Variants in ZNF521 observed in about 807,000 individuals in gnomAD.
ZNF521 encodes zinc finger protein 521.
Under a neutral mutation model 105.5 loss-of-function variants are expected in ZNF521, and 14 were observed. That is an observed-to-expected ratio of 0.13 (90% confidence interval 0.09 to 0.21). The LOEUF is 0.21. Ranked by LOEUF, ZNF521 falls within the 10% of genes least tolerant of loss-of-function variation. ZNF521 has a pLI of 1.00. For missense variants in ZNF521, 1,233 were observed against 1,629.7 expected, an observed-to-expected ratio of 0.76 and a Z score of 4.19; for synonymous variants, 635 against 606.0, an observed-to-expected ratio of 1.05 and a Z score of -0.70.
intron 5 of ZNF521, among the ~76,000 whole-genome samples, chr18:25,143,839 A>T (rs897074476): frequency 3.9e-5 from 6 of 152,186 alleles, no homozygotes; most frequent in Non-Finnish European, 7.3e-5. Flanking sequence ...TTGTCCTCTT[A>T]CTAAGTGATA....
chr18:25,157,941 A>G (rs2035177836), intron 5 of ZNF521, among the ~76,000 whole-genome samples: 1 of 152,018 alleles, frequency 6.6e-6, no homozygotes, highest in Non-Finnish European at 1.5e-5. Context: ...TTTAGTAGAG[A>G]CGGGGTTTCA....
chr18:25,283,616 T>C (rs907828871), intron 3 of ZNF521, among the ~76,000 whole-genome samples: 3 of 152,110 alleles, frequency 2.0e-5, no homozygotes, highest in African/African-American at 7.2e-5. Context: ...TCCAGAAAAA[T>C]CCAAGAATAT....
At chr18:25,175,680 C>T (rs1600120389) in intron 5 of ZNF521, among the ~76,000 whole-genome samples, 1 of 152,202 alleles carries the variant, frequency 6.6e-6, no homozygotes, top group African/African-American at 2.4e-5. Flanking sequence ...TAATAGACTA[C>T]AAATTCTTTG....
chr18:25,289,989 C>T (rs188155367), intron 3 of ZNF521, among the ~76,000 whole-genome samples: 156 of 152,072 alleles, frequency 1.0e-3, no homozygotes, highest in African/African-American at 3.4e-3. Flanking sequence ...TTCATATTTT[C>T]GGCATAAATA....
At chr18:25,063,412 C>G (rs1273914387) in intron 7 of ZNF521, among the ~76,000 whole-genome samples, 1 of 152,196 alleles carries the variant, frequency 6.6e-6, no homozygotes, top group South Asian at 2.1e-4. Flanking sequence ...CTCCCCTTGT[C>G]CCCGGATGCT....
chr18:25,314,388 A>C (rs1392140502), intron 3 of ZNF521, among the ~76,000 whole-genome samples: 1 of 152,196 alleles, frequency 6.6e-6, no homozygotes, highest in Non-Finnish European at 1.5e-5. Context: ...CATTTAAAAA[A>C]ATTCTTTGGC....
intron 3 of ZNF521, among the ~76,000 whole-genome samples, chr18:25,283,933 C>A (rs113105905): frequency 0.038 from 5,087 of 133,316 alleles, 272 homozygotes; most frequent in African/African-American, 0.12. Flanking sequence ...CCCCCCCCCC[C>A]AAAAAAATTC....
At chr18:25,272,770 G>C (rs561450365) in intron 3 of ZNF521, among the ~76,000 whole-genome samples, 1 of 152,106 alleles carries the variant, frequency 6.6e-6, no homozygotes, top group South Asian at 2.1e-4. Context: ...TGTGGGTTGG[G>C]GGGTTGGGGA....
intron 5 of ZNF521, among the ~76,000 whole-genome samples, chr18:25,138,129 C>A (rs896422031): frequency 6.6e-6 from 1 of 152,118 alleles, no homozygotes; most frequent in African/African-American, 2.4e-5. Context: ...GCAAGCCCAA[C>A]CTTGCCCACA....
At position 25,226,874 on chromosome 18, in the gene ZNF521, C is replaced by T. The variant is rs61762981; in HGVS notation, c.1044G>A (p.Thr348=). 180 of 1,613,906 alleles carry T rather than the reference C, an allele frequency of 1.1e-4. No homozygotes were observed. The highest frequency in any genetic ancestry group is 4.9e-4 in the Middle Eastern group (3 of 6,062). Residue 348 remains threonine (T), a synonymous_variant, in exon 4 of 8, where the codon ACG becomes ACA. Coordinates refer to ENST00000361524, the MANE Select transcript of ZNF521 (RefSeq NM_015461.3). The surrounding 1 kb of genome is among the most constrained non-coding windows in gnomAD (Gnocchi z 4.1). ...TACTGGACACGGAGGTATAGCCCAC[C>T]GTGACCAGGGAAGGGCTGTTGCTGT... ...CNHSNSPSLV[T]VGYTSVSSTT... is the part of the protein sequence containing the mutation.
intron 5 of ZNF521, among the ~76,000 whole-genome samples, chr18:25,116,887 ACGTATATATATATG>A (rs2034318285): frequency 2.2e-5 from 1 of 44,862 alleles, no homozygotes; most frequent in African/African-American, 4.6e-5. Context: ...ATATATATAT[ACGTATATATATATG>A]TGTATATATA....
intron 5 of ZNF521, among the ~76,000 whole-genome samples, chr18:25,129,321 C>G (rs1466149444): frequency 1.3e-5 from 2 of 149,840 alleles, no homozygotes; most frequent in African/African-American, 4.9e-5. Context: ...ACAGATCTTA[C>G]ACATTTCACA....
chr18:25,222,787 C>A lies in ZNF521; in HGVS notation c.3573+1558G>T, dbSNP rs147020298. ...AATCTAAATATGAACCTCTTACAGA[C>A]GATATTATGGGATTACTTAATTTCC... On this transcript the variant is annotated intron_variant, in intron 4 of 7. Coordinates refer to ENST00000361524, the MANE Select transcript of ZNF521 (RefSeq NM_015461.3). 2.6e-5 allele frequency among the ~76,000 whole-genome samples: 4 copies of A among 152,198 alleles called. No homozygotes were observed. The East Asian group carries it at 7.7e-4, about 29-fold the overall frequency.
chr18:25,317,913 T>C (rs982690087), intron 3 of ZNF521, among the ~76,000 whole-genome samples: 6 of 152,260 alleles, frequency 3.9e-5, no homozygotes, highest in African/African-American at 1.2e-4. Context: ...AAGTTTCTAA[T>C]AGAGATTAAA....
intron 3 of ZNF521, among the ~76,000 whole-genome samples, chr18:25,284,625 G>A (rs1028915125): frequency 5.3e-5 from 8 of 152,182 alleles, no homozygotes; most frequent in African/African-American, 9.6e-5. Flanking sequence ...GTGAGAGTTC[G>A]AAAGGAAAGT....
At chr18:25,129,796 G>T (rs2034607273) in intron 5 of ZNF521, among the ~76,000 whole-genome samples, 1 of 140,220 alleles carries the variant, frequency 7.1e-6, no homozygotes, top group Admixed American at 7.4e-5. Context: ...ATAGCACTCT[G>T]TACCTGTCAG....
intron 5 of ZNF521, among the ~76,000 whole-genome samples, chr18:25,107,206 A>T (rs1258618092): frequency 6.6e-6 from 1 of 152,208 alleles, no homozygotes; most frequent in Non-Finnish European, 1.5e-5. Flanking sequence ...TAGAAGTGAG[A>T]CTCAATCAAA....
intron 5 of ZNF521, among the ~76,000 whole-genome samples, chr18:25,132,767 G>C (rs185618361): frequency 6.6e-6 from 1 of 152,166 alleles, no homozygotes; most frequent in Non-Finnish European, 1.5e-5. Context: ...CCCTTGGGCC[G>C]TTCTCCTGTT....
Position 25,248,142 on chromosome 18 carries a change from C to CCA in ZNF521, c.221-20447_221-20446dup, listed in dbSNP as rs144490756. Among the ~76,000 whole-genome samples, 211 of 151,336 alleles carry CCA rather than the reference C, an allele frequency of 1.4e-3. 2 individuals carry two copies. The highest frequency in any genetic ancestry group is 2.5e-3 in the Admixed American group (38 of 15,196). ...CTACTTAAAGTCAGCTATCTTGACACCACACACACACACACGTCTGATAGG... is the reference window on the plus strand; with the variant it reads ...CTACTTAAAGTCAGCTATCTTGACACCACACACACACACACACGTCTGATAGG... On this transcript the variant is annotated intron_variant, in intron 3 of 7. Transcript: ENST00000361524.
Sources: allele counts gnomAD v4.1 joint callset (sites outside exome capture counted in the v4.1 genomes callset), GRCh38; gene constraint gnomAD v4.1.1; non-coding constraint Gnocchi (gnomAD v3.1); transcripts MANE v1.5; gene names NCBI Gene and HGNC (gene_info 2026-07-23, HGNC 2026-07-21).